SLC19A3: variants seen among roughly 807,000 people sequenced by gnomAD.
SLC19A3 encodes the protein solute carrier family 19 member 3, also known as thiamine transporter 2.
SLC19A3 carries 31 observed loss-of-function variants against 40.2 expected under a neutral mutation model. The observed-to-expected ratio is 0.77, with a 90% CI of 0.58 to 1.04. The LOEUF (loss-of-function observed/expected upper bound fraction) is 1.04, where lower values mean the gene tolerates loss of function less well. SLC19A3 is among the 50% of genes least tolerant of loss of function. The pLI is 0.00. For missense variants in SLC19A3, 592 were observed against 596.7 expected (o/e 0.99, Z 0.08); for synonymous variants, 212 against 227.5 (o/e 0.93, Z 0.61).
intron 1 of SLC19A3, among the ~76,000 whole-genome samples, chr2:227,708,269 T>G (rs2106339112): frequency 6.6e-6 from 1 of 152,348 alleles, no homozygotes; most frequent in East Asian, 1.9e-4. Flanking sequence ...TCATGATTTT[T>G]GTTTTTATCT....
At chr2:227,707,565 G>A (rs1451333169) in intron 1 of SLC19A3, among the ~76,000 whole-genome samples, 1 of 151,832 alleles carries the variant, frequency 6.6e-6, no homozygotes, top group Admixed American at 6.6e-5. Flanking sequence ...CCGGGCAACG[G>A]AGCAAGACCC....
At chr2:227,700,065 C>G (rs574477485) in intron 2 of SLC19A3, among the ~76,000 whole-genome samples, 1 of 151,820 alleles carries the variant, frequency 6.6e-6, no homozygotes, top group Admixed American at 6.6e-5. Context: ...TTAGAAGAGA[C>G]GGGGTTTCAC....
intron 5 of SLC19A3, among the ~76,000 whole-genome samples, chr2:227,687,901 T>G (rs1247488526): frequency 6.6e-6 from 1 of 152,212 alleles, no homozygotes; most frequent in East Asian, 1.9e-4. Flanking sequence ...TGTCTTTGTT[T>G]GGAGGCTGGT....
In SLC19A3 at chr2:227,688,228, G is replaced by C. The variant is rs368364131; in HGVS notation, c.1252C>G (p.Gln418Glu). 2.6e-4 allele frequency: 415 copies of C among 1,614,050 alleles called. 4 individuals are homozygous for C. The South Asian group carries it at 4.2e-3, about 16-fold the overall frequency. ...ACTACAATCACAGTCATGATGGTCT[G>C]AATCACCAAGGCAATAAAGGTGTTG... Reference protein sequence around the residue: ...GINTFIALVIQTIMTVIVVDQ... With the variant: ...GINTFIALVIETIMTVIVVDQ... Residue 418 changes from glutamine (Q) to glutamate (E), a missense_variant, in exon 5 of 6, where the codon CAG becomes GAG. Coordinates refer to ENST00000644224, the MANE Select transcript of SLC19A3 (RefSeq NM_025243.4).
At position 227,698,725 on chromosome 2, in the gene SLC19A3, C is replaced by T. The variant is rs753362691; in HGVS notation, c.979+11G>A. On this transcript the variant is annotated intron_variant, in intron 3 of 5. Coordinates refer to ENST00000644224, the MANE Select transcript of SLC19A3 (RefSeq NM_025243.4). ...AAGCCAACAAAGGAAGATTAAGTGA[C>T]ATTTGCTTACCTCCAAAGGTTGCAA... 7.5e-6 allele frequency: 12 copies of T among 1,608,744 alleles called. No individual in the cohort carries two copies. The highest frequency in any genetic ancestry group is 9.4e-6 in the Non-Finnish European group (11 of 1,176,324).
chr2:227,694,698 G>A (rs891668852), intron 4 of SLC19A3, among the ~76,000 whole-genome samples: 2 of 152,130 alleles, frequency 1.3e-5, no homozygotes, highest in Non-Finnish European at 2.9e-5. Flanking sequence ...AGAGATCTCT[G>A]AGAAAAAAGT....
rs1695048056 is a variant in SLC19A3 at position 227,687,191 on chromosome 2, G to A, written c.*206C>T. ...CCAATATGGGTTGTTTAATTATGAT[G>A]ACGGGTCCTGTCAATTGCATCCAGT... On this transcript the variant is annotated 3_prime_UTR_variant, in exon 6 of 6. Coordinates refer to ENST00000644224, the MANE Select transcript of SLC19A3 (RefSeq NM_025243.4). The A allele has an allele frequency of 1.9e-6, 1 of 519,976 alleles. No homozygotes were observed. The highest frequency in any genetic ancestry group is 3.3e-6 in the Non-Finnish European group (1 of 298,612). The allele number at this position is 519,976 out of a possible 1,614,324, so 32.2% of individuals were successfully genotyped here.
At chr2:227,714,679 G>A in intron 1 of SLC19A3, 6 of 582,964 alleles carry the variant, frequency 1.0e-5, no homozygotes, top group Non-Finnish European at 1.2e-5. Flanking sequence ...CTCTTCTGCA[G>A]CCGATGACAT....
At position 227,688,294 on chromosome 2, in the gene SLC19A3, C is replaced by T; in HGVS notation, c.1186G>A (p.Val396Ile). The T allele has an allele frequency of 2.5e-6, 4 of 1,613,758 alleles. No homozygotes were observed. Among genetic ancestry groups the T allele is most frequent in the Non-Finnish European group, 3.4e-6 (4 of 1,179,674 alleles). Reference protein sequence around the residue: ...LITIAVFQIAVNLNVERYALV... With the variant: ...LITIAVFQIAINLNVERYALV... ...GCATAGCGTTCCACATTCAGATTAA[C>T]TGCAATCTGAAATCTATCATTAAAC... Residue 396 changes from valine (V) to isoleucine (I), a missense_variant, in exon 5 of 6, where the codon GTT becomes ATT. Physicochemically the swap from Val to Ile is conservative, Grantham distance 29 (BLOSUM62 3). Transcript: ENST00000644224.
chr2:227,693,765 C>A (rs969059237), intron 4 of SLC19A3, among the ~76,000 whole-genome samples: 18 of 152,052 alleles, frequency 1.2e-4, no homozygotes, highest in African/African-American at 4.1e-4. Context: ...AAAGCTCCTG[C>A]ACAGCCAAGG....
chr2:227,706,203 C>A (rs1467742269), intron 1 of SLC19A3: 1 of 638,694 alleles, frequency 1.6e-6, no homozygotes, highest in Non-Finnish European at 2.2e-6. Context: ...ATTTATCATT[C>A]CATTTTGATC....
rs578096963 is a variant in SLC19A3, at chr2:227,702,472, C to T, written c.-2-152G>A. Reference sequence around the variant, plus strand: ...GCAGTGGCATGATCTCAGCCCATTGCAACCTGTGCCTCCCGGGCTCAAGCC... The same window carrying T: ...GCAGTGGCATGATCTCAGCCCATTGTAACCTGTGCCTCCCGGGCTCAAGCC... On this transcript the variant is annotated intron_variant, in intron 1 of 5. Transcript: ENST00000644224. 11 of 710,746 alleles carry T rather than the reference C, an allele frequency of 1.5e-5. No homozygotes were observed. The African/African-American group carries it at 1.6e-4, about 10-fold the overall frequency. 44.0% of individuals were successfully genotyped at this position (710,746 alleles called of 1,614,324 possible). A position where few individuals can be genotyped will look rare whatever the true frequency, so the allele number is the denominator to read the frequency against.
rs577620141 is a variant in SLC19A3, at chr2:227,703,417, C to T, written c.-2-1097G>A. On this transcript the variant is annotated intron_variant, in intron 1 of 5. Coordinates refer to ENST00000644224, the MANE Select transcript of SLC19A3 (RefSeq NM_025243.4). This position sits in a 1 kb window ranked among gnomAD's most constrained non-coding sequence, Gnocchi z 4.7. Reference sequence around the variant, plus strand: ...CTCACCCTACCCTTTCCCAAGGTGACCCCGACAGCTGCATAATTCCTCTCT... The same window carrying T: ...CTCACCCTACCCTTTCCCAAGGTGATCCCGACAGCTGCATAATTCCTCTCT... Among the ~76,000 whole-genome samples the T allele has an allele frequency of 6.6e-6, 1 of 152,108 alleles. No individual in the cohort carries two copies. Among genetic ancestry groups the T allele is most frequent in the Non-Finnish European group, 1.5e-5 (1 of 68,018 alleles).
rs1269436638 is a variant in SLC19A3 at position 227,688,150 on chromosome 2, A to T, written c.1314+16T>A. ...TTTGAGGTTACCTAGTTGAAAACAG[A>T]AGTATTGCAGCTTACCTGAATGCTG... On this transcript the variant is annotated intron_variant, in intron 5 of 5. Coordinates refer to ENST00000644224, the MANE Select transcript of SLC19A3 (RefSeq NM_025243.4). 1 of 1,613,940 alleles carries T rather than the reference A, an allele frequency of 6.2e-7. No individual in the cohort carries two copies. The highest frequency in any genetic ancestry group is 1.7e-5 in the Admixed American group (1 of 60,020).
intron 1 of SLC19A3, chr2:227,702,608 G>A (rs1695747756): frequency 2.6e-6 from 1 of 379,682 alleles, no homozygotes; most frequent in Non-Finnish European, 4.9e-6. Flanking sequence ...GGCCAGGCTG[G>A]TCTTGAACTC....
At chr2:227,694,662 G>A (rs746129730) in intron 4 of SLC19A3, among the ~76,000 whole-genome samples, 3 of 152,134 alleles carry the variant, frequency 2.0e-5, no homozygotes, top group Admixed American at 6.6e-5. Context: ...ATATGAAACC[G>A]AATGGTTTTT....
Position 227,686,176 on chromosome 2 carries a change from G to T in SLC19A3, c.*1221C>A, listed in dbSNP as rs1574538489. 6.8e-6 allele frequency: 3 copies of T among 443,822 alleles called. No homozygotes were observed. Among genetic ancestry groups the T allele is most frequent in the Admixed American group, 2.4e-5 (1 of 41,290 alleles). The allele number at this position is 443,822 out of a possible 1,614,324, so 27.5% of individuals were successfully genotyped here. A position where few individuals can be genotyped will look rare whatever the true frequency, so the allele number is the denominator to read the frequency against. Reference sequence around the variant, plus strand: ...CACGCCATTGCATTCCAGCCTGGGTGAGAGAGCGAGACTGTCTCAAAAACC... The same window carrying T: ...CACGCCATTGCATTCCAGCCTGGGTTAGAGAGCGAGACTGTCTCAAAAACC... On this transcript the variant is annotated 3_prime_UTR_variant, in exon 6 of 6. Transcript: ENST00000644224.
intron 2 of SLC19A3, 94 bp downstream of exon 2, chr2:227,702,075 C>T: frequency 3.0e-6 from 3 of 990,760 alleles, no homozygotes; most frequent in Middle Eastern, 2.7e-4. Context: ...TTAATGTGTT[C>T]ATCTTATATC....
intron 1 of SLC19A3, chr2:227,706,433 C>T: frequency 8.1e-7 from 1 of 1,230,586 alleles, no homozygotes; most frequent in Non-Finnish European, 1.0e-6. Flanking sequence ...TAAGCTCTAT[C>T]ACTTTTTAAA....
Sources: gnomAD v4.1 joint callset for allele counts (sites outside exome capture counted in the v4.1 genomes callset) on GRCh38, gnomAD v4.1.1 for gene constraint, Gnocchi (gnomAD v3.1) non-coding constraint, MANE v1.5 for transcripts, NCBI Gene and HGNC (gene_info 2026-07-23, HGNC 2026-07-21) for gene names.